The following CNTN5 variants were observed in gnomAD, a reference collection of about 807,000 sequenced individuals.
CNTN5 encodes the protein contactin 5.
Under a neutral mutation model 129.1 loss-of-function variants are expected in CNTN5, and 77 were observed. The observed-to-expected ratio is 0.60, with a 90% CI of 0.50 to 0.72. The LOEUF (loss-of-function observed/expected upper bound fraction) is 0.72, where lower values mean the gene tolerates loss of function less well. CNTN5 is among the 30% of genes least tolerant of loss of function. The pLI is 0.00. For missense variants in CNTN5, 1,478 were observed against 1,328.8 expected (o/e 1.11, Z -1.75); for synonymous variants, 509 against 465.6 (o/e 1.09, Z -1.20).
At chr11:99,794,773 G>T (rs918143987) in intron 3 of CNTN5, among the ~76,000 whole-genome samples, 1 of 152,094 alleles carries the variant, frequency 6.6e-6, no homozygotes, top group Non-Finnish European at 1.5e-5. Flanking sequence ...GGCTTGTATG[G>T]TTTCTGTGGA....
intron 1 of CNTN5, among the ~76,000 whole-genome samples, chr11:99,298,435 G>A (rs939643593): frequency 6.6e-6 from 1 of 152,138 alleles, no homozygotes; most frequent in Non-Finnish European, 1.5e-5. Flanking sequence ...TTGAAGTATG[G>A]CCACTGGGAT....
intron 2 of CNTN5, among the ~76,000 whole-genome samples, chr11:99,529,028 T>C (rs1000043392): frequency 1.3e-5 from 2 of 152,150 alleles, no homozygotes; most frequent in African/African-American, 4.8e-5. Context: ...TGAGCCAAGA[T>C]TGTGCCATTG....
At chr11:99,650,723 C>G (rs1314272313) in intron 3 of CNTN5, among the ~76,000 whole-genome samples, 1 of 151,758 alleles carries the variant, frequency 6.6e-6, no homozygotes, top group African/African-American at 2.4e-5. Flanking sequence ...TGAAATAATA[C>G]TCAGTAGTAG....
intron 3 of CNTN5, among the ~76,000 whole-genome samples, chr11:99,711,925 C>T (rs640017): frequency 1.2e-4 from 18 of 151,938 alleles, no homozygotes; most frequent in African/African-American, 4.3e-4. Context: ...TATTGTGAAT[C>T]GTGCTGCAGT....
chr11:100,031,536 C>T (rs1335224643), intron 9 of CNTN5, among the ~76,000 whole-genome samples: 1 of 152,184 alleles, frequency 6.6e-6, no homozygotes, highest in Non-Finnish European at 1.5e-5. Context: ...CACAGCTCTT[C>T]TAGGCCTCTT....
chr11:99,899,962 A>T (rs1397009934), intron 6 of CNTN5, among the ~76,000 whole-genome samples: 1 of 151,824 alleles, frequency 6.6e-6, no homozygotes, highest in East Asian at 1.9e-4. Context: ...TCAATCCTGG[A>T]AGTTTGTATG....
At chr11:99,338,709 C>T (rs1242842148) in intron 2 of CNTN5, among the ~76,000 whole-genome samples, 1 of 151,578 alleles carries the variant, frequency 6.6e-6, no homozygotes, top group Non-Finnish European at 1.5e-5. Context: ...ATGATGTCTT[C>T]CATTTTCTTT....
intron 3 of CNTN5, among the ~76,000 whole-genome samples, chr11:99,642,039 A>C (rs1014816364): frequency 1.3e-5 from 2 of 152,098 alleles, no homozygotes. Context: ...CCCACATTAG[A>C]TCTTCAAGCA....
At position 100,350,883 on chromosome 11, in the gene CNTN5, A is replaced by G; in HGVS notation, c.3199+13A>G. The G allele has an allele frequency of 1.3e-6, 2 of 1,527,784 alleles. No homozygotes were observed. Among genetic ancestry groups the G allele is most frequent in the Admixed American group, 1.9e-5 (1 of 51,488 alleles). 94.6% of individuals were successfully genotyped at this position (1,527,784 alleles called of 1,614,324 possible). On this transcript the variant is annotated intron_variant, in intron 24 of 24. Transcript: ENST00000524871. ...CCATCATATTCAGGTAAGTTTTGAC[A>G]CAGTAGATTTAATTTGCTGACAACC... is the stretch of plus-strand genomic sequence containing the variant.
intron 1 of CNTN5, among the ~76,000 whole-genome samples, chr11:99,142,072 C>A (rs1029733631): frequency 3.9e-5 from 6 of 152,098 alleles, no homozygotes; most frequent in African/African-American, 1.2e-4. Flanking sequence ...TCGATGATTT[C>A]AAGGGGTGAA....
intron 6 of CNTN5, among the ~76,000 whole-genome samples, chr11:99,864,345 C>T (rs982925069): frequency 6.6e-6 from 1 of 152,012 alleles, no homozygotes; most frequent in African/African-American, 2.4e-5. Context: ...CTCTTCCTGC[C>T]ACTCACTCTC....
intron 15 of CNTN5, among the ~76,000 whole-genome samples, chr11:100,204,703 T>A (rs1222606473): frequency 1.3e-5 from 2 of 151,698 alleles, no homozygotes; most frequent in African/African-American, 4.8e-5. Flanking sequence ...ACATAAAAAT[T>A]TAAGTATTTT....
intron 16 of CNTN5, 70 bp downstream of exon 16, chr11:100,224,882 A>G: frequency 2.0e-6 from 3 of 1,513,540 alleles, no homozygotes; most frequent in Non-Finnish European, 2.7e-6. Flanking sequence ...ATTTAAATGC[A>G]TGGACTTTGA....
intron 1 of CNTN5, among the ~76,000 whole-genome samples, chr11:99,147,145 T>C (rs1859828548): frequency 6.6e-6 from 1 of 152,244 alleles, no homozygotes; most frequent in Non-Finnish European, 1.5e-5. Context: ...TTAAACTGTT[T>C]TGTTATTAAT....
chr11:99,348,526 C>T (rs1938067128), intron 2 of CNTN5, among the ~76,000 whole-genome samples: 1 of 152,118 alleles, frequency 6.6e-6, no homozygotes, highest in Non-Finnish European at 1.5e-5. Flanking sequence ...ATATCTAAGC[C>T]TGCCAACTGC....
At chr11:99,228,992 A>G (rs1860838993) in intron 1 of CNTN5, among the ~76,000 whole-genome samples, 1 of 151,934 alleles carries the variant, frequency 6.6e-6, no homozygotes, top group Admixed American at 6.6e-5. Flanking sequence ...AAAGTTTCTA[A>G]TGATACCATT....
intron 24 of CNTN5, among the ~76,000 whole-genome samples, chr11:100,353,684 C>T (rs1952464528): frequency 6.6e-6 from 1 of 151,550 alleles, no homozygotes; most frequent in Admixed American, 6.6e-5. Context: ...TTCACAATAA[C>T]CCCATTTTGT....
chr11:99,275,321 A>T (rs916720149), intron 1 of CNTN5, among the ~76,000 whole-genome samples: 6 of 151,518 alleles, frequency 4.0e-5, no homozygotes, highest in African/African-American at 1.2e-4. Context: ...TGTGGTTAAA[A>T]CACAGAAAAA....
intron 1 of CNTN5, among the ~76,000 whole-genome samples, chr11:99,044,327 G>A (rs1401693660): frequency 6.6e-6 from 1 of 152,088 alleles, no homozygotes; most frequent in Non-Finnish European, 1.5e-5. Context: ...TGTGAATTTG[G>A]AATTTTCTAA....
Sources: gnomAD v4.1 joint callset for allele counts (sites outside exome capture counted in the v4.1 genomes callset) on GRCh38, gnomAD v4.1.1 for gene constraint, MANE v1.5 for transcripts, NCBI Gene and HGNC (gene_info 2026-07-23, HGNC 2026-07-21) for gene names.